Variants in MAD1L1 observed in about 807,000 individuals in gnomAD.
The protein encoded by MAD1L1 is mitotic spindle assembly checkpoint protein MAD1.
A neutral mutation model predicts 96.9 loss-of-function variants in MAD1L1; 95 were observed. That is an observed-to-expected ratio of 0.98 (90% CI 0.83 to 1.16). The LOEUF (loss-of-function observed/expected upper bound fraction) is 1.16, where lower values mean the gene tolerates loss of function less well. MAD1L1 is among the 50% of genes most tolerant of loss of function. The pLI is 0.00. For synonymous variants in MAD1L1, 473 were observed against 396.6 expected (o/e 1.19, Z -2.29); for missense variants, 1,007 against 954.4 (o/e 1.06, Z -0.73).
intron 10 of MAD1L1, among the ~76,000 whole-genome samples, chr7:2,170,058 G>A (rs1046794807): frequency 3.3e-5 from 5 of 152,206 alleles, no homozygotes; most frequent in African/African-American, 1.2e-4. Context: ...CGTGCCCTCA[G>A]GTCGTCCCTT....
At chr7:1,827,827 G>GTCCCGGGTGTGGGGTCCTCCCCTCCT (rs1782507361) in intron 18 of MAD1L1, among the ~76,000 whole-genome samples, 1 of 151,906 alleles carries the variant, frequency 6.6e-6, no homozygotes, top group African/African-American at 2.4e-5. Context: ...TCCTGGGCCC[G>GTCCCGGGTGTGGGGTCCTCCCCTCCT]GGCTAGACAG....
chr7:2,068,951 G>T (rs933356837), intron 12 of MAD1L1, among the ~76,000 whole-genome samples: 2 of 152,196 alleles, frequency 1.3e-5, no homozygotes, highest in African/African-American at 4.8e-5. Context: ...GCCAGGGGTG[G>T]ACACTGAGAT....
chr7:2,110,062 C>T (rs1427626009), intron 11 of MAD1L1, among the ~76,000 whole-genome samples: 2 of 152,252 alleles, frequency 1.3e-5, no homozygotes, highest in South Asian at 2.1e-4. Context: ...CAGGAGGCTC[C>T]GGCTCAAAGC....
intron 13 of MAD1L1, among the ~76,000 whole-genome samples, chr7:2,007,108 G>T (rs77320894): frequency 5.3e-5 from 8 of 152,136 alleles, no homozygotes. Flanking sequence ...GGGCCTGGCA[G>T]GCCAGCACCA....
intron 17 of MAD1L1, among the ~76,000 whole-genome samples, chr7:1,902,568 T>C (rs1337624696): frequency 1.3e-5 from 2 of 152,260 alleles, no homozygotes; most frequent in South Asian, 2.1e-4. Context: ...CGACGGATCT[T>C]AGGAGTGCAG....
intron 12 of MAD1L1, among the ~76,000 whole-genome samples, chr7:2,029,536 T>C (rs1162146679): frequency 6.6e-6 from 1 of 152,186 alleles, no homozygotes; most frequent in African/African-American, 2.4e-5. Context: ...ACTTTCTGTA[T>C]GTCTGTTATG....
intron 16 of MAD1L1, among the ~76,000 whole-genome samples, chr7:1,944,271 C>A (rs1331586601): frequency 1.3e-5 from 2 of 152,122 alleles, no homozygotes; most frequent in African/African-American, 4.8e-5. Context: ...GAGAGGGGAT[C>A]AAAACGTTCT....
At chr7:1,979,184 G>C (rs1449931599) in intron 15 of MAD1L1, among the ~76,000 whole-genome samples, 1 of 152,186 alleles carries the variant, frequency 6.6e-6, no homozygotes, top group African/African-American at 2.4e-5. Flanking sequence ...GGGGGTCCAG[G>C]GGCCCACACA....
intron 16 of MAD1L1, among the ~76,000 whole-genome samples, chr7:1,952,307 C>A (rs544369133): frequency 6.6e-6 from 1 of 152,370 alleles, no homozygotes; most frequent in South Asian, 2.1e-4. Context: ...CTGCGGCCGA[C>A]TCAGCCTCCC....
intron 11 of MAD1L1, among the ~76,000 whole-genome samples, chr7:2,128,432 T>A (rs1268625167): frequency 6.6e-6 from 1 of 151,572 alleles, no homozygotes; most frequent in Admixed American, 6.6e-5. Context: ...CACTCGCTCA[T>A]CAGCACGGGA....
intron 10 of MAD1L1, among the ~76,000 whole-genome samples, chr7:2,161,377 G>T (rs1291060703): frequency 6.6e-6 from 1 of 152,082 alleles, no homozygotes. Flanking sequence ...GCGGTGCCGG[G>T]ATTGCAGACG....
chr7:2,111,247 G>T (rs1271475475), intron 11 of MAD1L1, among the ~76,000 whole-genome samples: 3 of 152,154 alleles, frequency 2.0e-5, no homozygotes, highest in African/African-American at 7.2e-5. Context: ...AGACTAGAGG[G>T]GCTCGGGAAG....
intron 17 of MAD1L1, among the ~76,000 whole-genome samples, chr7:1,920,325 G>A (rs574618878): frequency 2.3e-4 from 35 of 152,350 alleles, no homozygotes; most frequent in East Asian, 1.2e-3. Flanking sequence ...AAGCTCGCCC[G>A]GGGCTGTGTT....
At chr7:1,919,743 G>C (rs1243770635) in intron 17 of MAD1L1, among the ~76,000 whole-genome samples, 1 of 152,240 alleles carries the variant, frequency 6.6e-6, no homozygotes, top group East Asian at 1.9e-4. Context: ...AAGGTCACAT[G>C]GCTGCTGGTG....
At chr7:1,868,940 G>A (rs1247725312) in intron 18 of MAD1L1, among the ~76,000 whole-genome samples, 2 of 152,200 alleles carry the variant, frequency 1.3e-5, no homozygotes, top group Admixed American at 1.3e-4. Flanking sequence ...GCCTCACCGC[G>A]CCAGGCAGAA....
At chr7:1,832,752 C>G (rs1397291811) in intron 18 of MAD1L1, among the ~76,000 whole-genome samples, 1 of 133,120 alleles carries the variant, frequency 7.5e-6, no homozygotes, top group African/African-American at 2.8e-5. Context: ...ATGCCTCAGC[C>G]TCCCAAGTAG....
intron 17 of MAD1L1, among the ~76,000 whole-genome samples, chr7:1,906,908 G>A (rs1289651753): frequency 6.6e-6 from 1 of 152,194 alleles, no homozygotes. Context: ...CCGAACACGT[G>A]TGCGTCTGTC....
chr7:2,028,901 T>TGCAACAAGGCTGCGCAGG (rs1277898177), intron 12 of MAD1L1, among the ~76,000 whole-genome samples: 4 of 150,672 alleles, frequency 2.7e-5, no homozygotes, highest in Non-Finnish European at 4.4e-5. Context: ...CTTCACACAG[T>TGCAACAAGGCTGCGCAGG]GCAACAAGGC....
intron 12 of MAD1L1, among the ~76,000 whole-genome samples, chr7:2,024,950 A>G (rs1174722797): frequency 1.3e-5 from 2 of 152,266 alleles, no homozygotes; most frequent in Non-Finnish European, 2.9e-5. Flanking sequence ...TGACACTGTA[A>G]TGAGGGAAAC....
Sources: gnomAD v4.1 joint callset for allele counts (sites outside exome capture counted in the v4.1 genomes callset) on GRCh38, gnomAD v4.1.1 for gene constraint, MANE v1.5 for transcripts, NCBI Gene and HGNC (gene_info 2026-07-23, HGNC 2026-07-21) for gene names.